Variants in ARSB observed in about 807,000 individuals in gnomAD.
ARSB encodes N-acetylgalactosamine-4-sulfatase.
In ARSB, 41 loss-of-function variants were observed where a neutral mutation model predicts 50.9. That is an observed-to-expected ratio of 0.81 (90% confidence interval 0.63 to 1.04). The LOEUF is 1.04. Ranked by LOEUF, ARSB falls within the 50% of genes least tolerant of loss-of-function variation. The pLI, the probability that ARSB is intolerant of heterozygous loss-of-function variation, is 0.00. For synonymous variants in ARSB, 269 were observed against 284.8 expected (o/e 0.94, Z 0.56); for missense variants, 672 against 693.3 (o/e 0.97, Z 0.35).
intron 5 of ARSB, among the ~76,000 whole-genome samples, chr5:78,850,561 A>T (rs1167974277): frequency 5.3e-5 from 8 of 152,118 alleles, no homozygotes; most frequent in Non-Finnish European, 1.0e-4. Flanking sequence ...TATCAGGATG[A>T]TGCTGGACTC....
chr5:78,847,525 C>T (rs1035377579), intron 5 of ARSB, among the ~76,000 whole-genome samples: 2 of 152,116 alleles, frequency 1.3e-5, no homozygotes, highest in Non-Finnish European at 2.9e-5. Context: ...CTAAAGTTTT[C>T]TTTTCTTGTT....
At chr5:78,859,278 G>T (rs1746309312) in intron 5 of ARSB, among the ~76,000 whole-genome samples, 1 of 152,062 alleles carries the variant, frequency 6.6e-6, no homozygotes, top group African/African-American at 2.4e-5. Context: ...AGTTATATAT[G>T]GAAAGATATT....
At chr5:78,864,838 G>C (rs1302349243) in intron 5 of ARSB, among the ~76,000 whole-genome samples, 1 of 152,210 alleles carries the variant, frequency 6.6e-6, no homozygotes. Flanking sequence ...GCCCATGCAA[G>C]TCCAAAATCC....
intron 5 of ARSB, among the ~76,000 whole-genome samples, chr5:78,872,067 G>A (rs1747219147): frequency 6.6e-6 from 1 of 150,400 alleles, no homozygotes. Flanking sequence ...ATGAAAAAAT[G>A]CTCACCATCA....
chr5:78,966,588 T>C (rs1752215554), intron 2 of ARSB, among the ~76,000 whole-genome samples: 1 of 152,206 alleles, frequency 6.6e-6, no homozygotes, highest in South Asian at 2.1e-4. Flanking sequence ...CATAACCTTC[T>C]TGGCTGCAAG....
At chr5:78,865,711 C>T (rs113111442) in intron 5 of ARSB, among the ~76,000 whole-genome samples, 19,080 of 152,112 alleles carry the variant, frequency 0.13, 1,382 homozygotes, top group Middle Eastern at 0.21. Flanking sequence ...TTTAACAGAA[C>T]CCAAATAACC....
rs962822819 is a variant in ARSB, at chr5:78,898,456, C to T, written c.899-12629G>A. Among the ~76,000 whole-genome samples the T allele has an allele frequency of 1.2e-4, 19 of 152,138 alleles. 1 individual carries two copies. The highest frequency in any genetic ancestry group is 7.2e-5 in the African/African-American group (3 of 41,416). ...GCATTACTCTGACACCAAAATGAAACAAAGACATTACAGAAAAAGAAAACC... is the reference window on the plus strand; with the variant it reads ...GCATTACTCTGACACCAAAATGAAATAAAGACATTACAGAAAAAGAAAACC... On this transcript the variant is annotated intron_variant, in intron 4 of 7. Coordinates refer to ENST00000264914, the MANE Select transcript of ARSB (RefSeq NM_000046.5).
intron 6 of ARSB, among the ~76,000 whole-genome samples, chr5:78,785,725 C>T (rs1749061409): frequency 6.6e-6 from 1 of 152,188 alleles, no homozygotes. Flanking sequence ...CCTAATCTCC[C>T]AGAACCTATG....
At chr5:78,819,110 A>C (rs1398724098) in intron 6 of ARSB, among the ~76,000 whole-genome samples, 1 of 152,156 alleles carries the variant, frequency 6.6e-6, no homozygotes, top group African/African-American at 2.4e-5. Context: ...AGATCCCTTG[A>C]TCCAGGGAGA....
At chr5:78,968,644 C>T (rs182368703) in intron 2 of ARSB, among the ~76,000 whole-genome samples, 25 of 152,186 alleles carry the variant, frequency 1.6e-4, no homozygotes, top group African/African-American at 5.5e-4. Context: ...CCACCGCACC[C>T]AGCCTGGAAA....
intron 5 of ARSB, among the ~76,000 whole-genome samples, chr5:78,850,530 T>G (rs1745715037): frequency 6.6e-6 from 1 of 152,146 alleles, no homozygotes; most frequent in Non-Finnish European, 1.5e-5. Context: ...CTTTTTTGGT[T>G]GTGTCTCTGC....
chr5:78,792,900 G>T (rs1743027017), intron 6 of ARSB, among the ~76,000 whole-genome samples: 1 of 152,188 alleles, frequency 6.6e-6, no homozygotes, highest in African/African-American at 2.4e-5. Flanking sequence ...ACGAGGTATT[G>T]TTAGAAAATT....
At chr5:78,836,012 C>T (rs947532371) in intron 6 of ARSB, among the ~76,000 whole-genome samples, 5 of 152,194 alleles carry the variant, frequency 3.3e-5, no homozygotes, top group African/African-American at 1.2e-4. Flanking sequence ...TCCACAAAAG[C>T]CTCTGTGCTC....
chr5:78,841,132 G>GTACTACTACTACTACTACTAC lies in ARSB; in HGVS notation c.1143-1727_1143-1707dup, dbSNP rs71613989. Reference sequence around the variant, plus strand: ...TAGGCAACATACTGAGACCTGGTCTGTACTACTACTACTACTACTACTACT... The same window carrying GTACTACTACTACTACTACTAC: ...TAGGCAACATACTGAGACCTGGTCTGTACTACTACTACTACTACTACTACTACTACTACTACTACTACTACT... On this transcript the variant is annotated intron_variant, in intron 5 of 7. Coordinates refer to ENST00000264914, the MANE Select transcript of ARSB (RefSeq NM_000046.5). Among the ~76,000 whole-genome samples, 199 of 134,692 alleles carry GTACTACTACTACTACTACTAC rather than the reference G, an allele frequency of 1.5e-3. 1 individual carries two copies. The highest frequency in any genetic ancestry group is 8.4e-3 in the East Asian group (41 of 4,890). The allele number at this position is 134,692 out of a possible 152,430, so 88.4% of individuals were successfully genotyped here.
chr5:78,834,452 C>T (rs1263435218), intron 6 of ARSB, among the ~76,000 whole-genome samples: 1 of 151,680 alleles, frequency 6.6e-6, no homozygotes, highest in Non-Finnish European at 1.5e-5. Flanking sequence ...CCCTATGAAT[C>T]TGACCACTTT....
At chr5:78,811,316 G>A (rs1030870610) in intron 6 of ARSB, among the ~76,000 whole-genome samples, 5 of 152,128 alleles carry the variant, frequency 3.3e-5, no homozygotes, top group African/African-American at 9.7e-5. Context: ...GCATTCTTTC[G>A]GTTAGTGGGA....
At chr5:78,923,641 C>A (rs1749924365) in intron 4 of ARSB, among the ~76,000 whole-genome samples, 1 of 152,216 alleles carries the variant, frequency 6.6e-6, no homozygotes, top group African/African-American at 2.4e-5. Context: ...ATACCTACCT[C>A]ACATTCTGGA....
chr5:78,931,078 C>T lies in ARSB; in HGVS notation c.898+24217G>A, dbSNP rs546210116. On this transcript the variant is annotated intron_variant, in intron 4 of 7. Transcript: ENST00000264914. The stretch of plus-strand genomic sequence containing the variant: ...GACAGAATGCCAACAAAGGCTAGCC[C>T]GGGAAATCTCTCTCTCGTTTTCTGG... Among the ~76,000 whole-genome samples the T allele has an allele frequency of 5.3e-4, 80 of 152,284 alleles. No individual in the cohort carries two copies. The Middle Eastern group carries it at 0.01, about 19-fold the overall frequency.
intron 1 of ARSB, among the ~76,000 whole-genome samples, chr5:78,981,449 C>A (rs1162276163): frequency 6.6e-6 from 1 of 152,220 alleles, no homozygotes; most frequent in African/African-American, 2.4e-5. Context: ...AGCAGCAGAA[C>A]AAGTAGTACA....
Sources: gnomAD v4.1 joint callset for allele counts (sites outside exome capture counted in the v4.1 genomes callset) on GRCh38, gnomAD v4.1.1 for gene constraint, MANE v1.5 for transcripts, NCBI Gene and HGNC (gene_info 2026-07-23, HGNC 2026-07-21) for gene names.